The following ATP11A variants were observed in gnomAD, a reference collection of about 807,000 sequenced individuals.
ATP11A encodes the protein phospholipid-transporting ATPase IH.
ATP11A carries 81 observed loss-of-function variants against 154.4 expected under a neutral mutation model. That is an observed-to-expected ratio of 0.52 (90% CI 0.44 to 0.63). The LOEUF is 0.63. Among genes scored for constraint, ATP11A ranks in the 30% least tolerant of loss-of-function variants. The pLI is 0.00. For synonymous variants in ATP11A, 623 were observed against 585.9 expected (o/e 1.06, Z -0.91); for missense variants, 1,316 against 1,474.3 (o/e 0.89, Z 1.76).
At chr13:112,703,228 G>C (rs1054137970) in intron 1 of ATP11A, 1 of 152,258 alleles carries the variant, frequency 6.6e-6, no homozygotes, top group African/African-American at 2.4e-5. Context: ...GGCCCTCCTG[G>C]GGGGCAGGAG....
chr13:112,724,186 G>A (rs529359276), intron 1 of ATP11A, among the ~76,000 whole-genome samples: 3 of 132,922 alleles, frequency 2.3e-5, no homozygotes, highest in South Asian at 2.4e-4. Context: ...CGCCCTCTTC[G>A]CCCCCATCGG....
At chr13:112,786,928 C>A (rs61963788) in intron 2 of ATP11A, among the ~76,000 whole-genome samples, 1 of 125,444 alleles carries the variant, frequency 8.0e-6, no homozygotes, top group Non-Finnish European at 1.7e-5. Context: ...GGTGTCCTGA[C>A]GTGTAGACCC....
intron 2 of ATP11A, among the ~76,000 whole-genome samples, chr13:112,799,002 G>A (rs1310142367): frequency 6.6e-6 from 1 of 152,218 alleles, no homozygotes; most frequent in Non-Finnish European, 1.5e-5. Context: ...AGGGACACAA[G>A]ATTAGCTATA....
intron 1 of ATP11A, among the ~76,000 whole-genome samples, chr13:112,751,171 C>T (rs905774545): frequency 1.3e-5 from 2 of 152,166 alleles, no homozygotes; most frequent in Non-Finnish European, 2.9e-5. Flanking sequence ...AGCGCGTCTT[C>T]GTGTCCTTCC....
intron 1 of ATP11A, among the ~76,000 whole-genome samples, chr13:112,778,814 CGCTGG>C (rs1439784070): frequency 4.2e-5 from 3 of 72,034 alleles, no homozygotes; most frequent in East Asian, 9.3e-4. Flanking sequence ...AGTGAGTAGC[CGCTGG>C]AGTGAGGAGT....
chr13:112,856,308 A>T (rs2079922613), intron 20 of ATP11A: 1 of 413,034 alleles, frequency 2.4e-6, no homozygotes, highest in Non-Finnish European at 4.3e-6. Flanking sequence ...TGACCCTTCC[A>T]GATGCAGTGG....
rs118046431 is a variant in ATP11A at position 112,755,028 on chromosome 13, G to A, written c.40-30107G>A. 5.8e-4 allele frequency among the ~76,000 whole-genome samples: 89 copies of A among 152,358 alleles called. No homozygotes were observed. In the East Asian group the frequency reaches 0.017, roughly 29 times the overall value. On this transcript the variant is annotated intron_variant, in intron 1 of 29. Transcript: ENST00000375645. ...CCTCTGCAGTGCCAGCTGTGCCCTAGTAGCCAGGGCGCCGTCGTCAGTCCA... is the reference window on the plus strand; with the variant it reads ...CCTCTGCAGTGCCAGCTGTGCCCTAATAGCCAGGGCGCCGTCGTCAGTCCA...
chr13:112,789,599 C>T (rs748024890), intron 2 of ATP11A, among the ~76,000 whole-genome samples: 33 of 148,164 alleles, frequency 2.2e-4, no homozygotes, highest in Non-Finnish European at 4.1e-4. Flanking sequence ...GACGCGTAGA[C>T]CCCTGTGGAG....
intron 25 of ATP11A, among the ~76,000 whole-genome samples, chr13:112,863,701 C>CT (rs2080209120): frequency 1.3e-5 from 1 of 79,620 alleles, no homozygotes; most frequent in African/African-American, 5.3e-5. Context: ...TGCAGGCCTG[C>CT]GCAGCTTCCC....
chr13:112,797,247 C>T (rs1194885050), intron 2 of ATP11A, among the ~76,000 whole-genome samples: 1 of 132,712 alleles, frequency 7.5e-6, no homozygotes, highest in Non-Finnish European at 1.5e-5. Context: ...AGCACCACTG[C>T]ACTCCACCCT....
intron 24 of ATP11A, 84 bp downstream of exon 24, chr13:112,860,498 C>T: frequency 6.5e-7 from 1 of 1,550,258 alleles, no homozygotes; most frequent in African/African-American, 1.4e-5. Context: ...AGCCACCTGG[C>T]AGACCTCAGT....
At position 112,785,068 on chromosome 13, in the gene ATP11A, C is replaced by T; in HGVS notation, c.40-67C>T. 2 of 1,380,938 alleles carry T rather than the reference C, an allele frequency of 1.4e-6. No individual in the cohort carries two copies. The highest frequency in any genetic ancestry group is 1.9e-6 in the Non-Finnish European group (2 of 1,058,086). The allele number at this position is 1,380,938 out of a possible 1,614,324, so 85.5% of individuals were successfully genotyped here. The stretch of plus-strand genomic sequence containing the variant: ...TTCCGACGAACGTGCCTCAAGGCAA[C>T]ACTCTGGGCAAGAGCTTTTGATGCA... On this transcript the variant is annotated intron_variant, in intron 1 of 29. Transcript: ENST00000375645. This position sits in a 1 kb window ranked among gnomAD's most constrained non-coding sequence, Gnocchi z 4.8.
intron 1 of ATP11A, among the ~76,000 whole-genome samples, chr13:112,760,701 A>G (rs558124297): frequency 3.3e-5 from 5 of 152,330 alleles, no homozygotes; most frequent in Admixed American, 3.3e-4. Context: ...ATTACACTGT[A>G]TTATGTAAAT....
chr13:112,866,048 A>G (rs1278776), intron 25 of ATP11A, among the ~76,000 whole-genome samples: 149,259 of 152,350 alleles, frequency 0.98, 73,135 homozygotes, highest in East Asian at 1. Context: ...GTTTTCTAGC[A>G]GACATTCACT....
At chr13:112,720,582 G>C (rs954867841) in intron 1 of ATP11A, among the ~76,000 whole-genome samples, 2 of 151,802 alleles carry the variant, frequency 1.3e-5, no homozygotes, top group African/African-American at 2.4e-5. Flanking sequence ...TTTTTGAGAC[G>C]GAGTCTCGCT....
At chr13:112,819,473 C>T (rs2078737304) in intron 7 of ATP11A, 66 bp downstream of exon 7, 2 of 1,379,120 alleles carry the variant, frequency 1.5e-6, no homozygotes, top group East Asian at 2.3e-5. Context: ...CTTGCTTTTT[C>T]ACCCCAAGTA....
intron 16 of ATP11A, among the ~76,000 whole-genome samples, chr13:112,841,646 G>C (rs570334834): frequency 2.6e-4 from 40 of 152,394 alleles, no homozygotes; most frequent in African/African-American, 9.4e-4. Flanking sequence ...CAGGTGCAGA[G>C]GGGGCTCTGT....
At chr13:112,779,554 C>G (rs1406437922) in intron 1 of ATP11A, among the ~76,000 whole-genome samples, 1 of 152,144 alleles carries the variant, frequency 6.6e-6, no homozygotes, top group African/African-American at 2.4e-5. Flanking sequence ...TCAGGAAGAG[C>G]TTTATATCTA....
rs528578623 is a variant in ATP11A at position 112,746,648 on chromosome 13, C to G, written c.40-38487C>G. The G allele has an allele frequency of 1.3e-5, 2 of 150,954 alleles. No individual in the cohort carries two copies. The highest frequency in any genetic ancestry group is 4.9e-5 in the African/African-American group (2 of 40,904). 9.4% of individuals were successfully genotyped at this position (150,954 alleles called of 1,614,324 possible). A position where few individuals can be genotyped will look rare whatever the true frequency, so the allele number is the denominator to read the frequency against. ...GCAGCTTCGACCTCCTGGGCTCAAGCGATCCTCCCACCTCAGTCTCCCCAG... is the reference window on the plus strand; with the variant it reads ...GCAGCTTCGACCTCCTGGGCTCAAGGGATCCTCCCACCTCAGTCTCCCCAG... On this transcript the variant is annotated intron_variant, in intron 1 of 29. Coordinates refer to ENST00000375645, the MANE Select transcript of ATP11A (RefSeq NM_015205.3). This position sits in a 1 kb window ranked among gnomAD's most constrained non-coding sequence, Gnocchi z 4.1.
Sources: allele counts gnomAD v4.1 joint callset (sites outside exome capture counted in the v4.1 genomes callset), GRCh38; gene constraint gnomAD v4.1.1; non-coding constraint Gnocchi (gnomAD v3.1); transcripts MANE v1.5; gene names NCBI Gene and HGNC (gene_info 2026-07-23, HGNC 2026-07-21).